Variants in DNAJC3 observed in about 807,000 individuals in gnomAD.
DNAJC3 encodes DnaJ heat shock protein family (Hsp40) member C3, also known as dnaJ homolog subfamily C member 3.
DNAJC3 carries 38 observed loss-of-function variants against 68.6 expected under a neutral mutation model. The ratio of observed to expected loss-of-function variants is 0.55; its 90% CI spans 0.43 to 0.73. The LOEUF (loss-of-function observed/expected upper bound fraction) is 0.73, where lower values mean the gene tolerates loss of function less well. Among genes scored for constraint, DNAJC3 ranks in the 30% least tolerant of loss-of-function variants. The pLI is 0.00. For synonymous variants in DNAJC3, 203 were observed against 204.0 expected (o/e 1.00, Z 0.04); for missense variants, 526 against 591.9 (o/e 0.89, Z 1.16).
chr13:95,791,263 T>C lies in DNAJC3; in HGVS notation c.*233T>C. Reference sequence around the variant, plus strand: ...TCTGACAGAGCAGCCTGCATCTGCTTTATGCTGTCTGGAGGGAAGTGGTCT... The same window carrying C: ...TCTGACAGAGCAGCCTGCATCTGCTCTATGCTGTCTGGAGGGAAGTGGTCT... On this transcript the variant is annotated 3_prime_UTR_variant, in exon 12 of 12. Transcript: ENST00000602402. 1.9e-6 allele frequency: 1 copy of C among 528,622 alleles called. No homozygotes were observed. The highest frequency in any genetic ancestry group is 3.6e-5 in the East Asian group (1 of 27,592). The allele number at this position is 528,622 out of a possible 1,614,324, so 32.7% of individuals were successfully genotyped here.
In DNAJC3 at chr13:95,689,612, C is replaced by A. The variant is rs186644264; in HGVS notation, c.82+12275C>A. Among the ~76,000 whole-genome samples, 537 of 150,502 alleles carry A rather than the reference C, an allele frequency of 3.6e-3. 3 individuals are homozygous for A. The highest frequency in any genetic ancestry group is 0.012 in the African/African-American group (511 of 41,058). ...ACAATCTCATTTAGTTCATTCTGATCTTTTTATTTCTTTTCTCCCAGCTAG... is the reference window on the plus strand; with the variant it reads ...ACAATCTCATTTAGTTCATTCTGATATTTTTATTTCTTTTCTCCCAGCTAG... On this transcript the variant is annotated intron_variant, in intron 1 of 11. Transcript: ENST00000602402.
At position 95,725,160 on chromosome 13, in the gene DNAJC3, T is replaced by G. The variant is rs765892662; in HGVS notation, c.319-18T>G. ...ATCTATAATATTCAAGATAATCCTC[T>G]GCCCCCTTTTTTTCTAGGCAAGATT... On this transcript the variant is annotated intron_variant, in intron 3 of 11. Coordinates refer to ENST00000602402, the MANE Select transcript of DNAJC3 (RefSeq NM_006260.5). 6.5e-7 allele frequency: 1 copy of G among 1,538,856 alleles called. No homozygotes were observed. Among genetic ancestry groups the G allele is most frequent in the South Asian group, 1.3e-5 (1 of 78,314 alleles).
intron 2 of DNAJC3, among the ~76,000 whole-genome samples, chr13:95,718,744 A>G (rs1487234460): frequency 2.0e-5 from 3 of 152,174 alleles, no homozygotes; most frequent in Non-Finnish European, 2.9e-5. Flanking sequence ...TTGTCATTTG[A>G]TTCTCAGTGG....
At chr13:95,764,681 T>TATATATAC (rs1882930555) in intron 9 of DNAJC3, among the ~76,000 whole-genome samples, 1 of 110,044 alleles carries the variant, frequency 9.1e-6, no homozygotes, top group Non-Finnish European at 1.7e-5. Context: ...TATATATATA[T>TATATATAC]ATACACACAC....
Position 95,755,637 on chromosome 13 carries a change from G to A in DNAJC3, c.394-2007G>A, listed in dbSNP as rs561217865. Among the ~76,000 whole-genome samples, 20 of 151,162 alleles carry A rather than the reference G, an allele frequency of 1.3e-4. 1 individual carries two copies. In the South Asian group the frequency reaches 4.2e-3, roughly 32 times the overall value. ...CCGGGCATGGTGGCGGATGCCTGTA[G>A]TCCCAGCTACTCAGGAGGCTGAGGC... On this transcript the variant is annotated intron_variant, in intron 4 of 11. Transcript: ENST00000602402.
At chr13:95,688,582 C>G (rs981598977) in intron 1 of DNAJC3, among the ~76,000 whole-genome samples, 1 of 150,542 alleles carries the variant, frequency 6.6e-6, no homozygotes, top group African/African-American at 2.4e-5. Context: ...GTGGCTCTAT[C>G]TCGGCTCACT....
rs1473560274 is a variant in DNAJC3 at position 95,794,226 on chromosome 13, G to A, written c.*3196G>A. The A allele has an allele frequency of 6.6e-6, 1 of 152,164 alleles. No individual in the cohort carries two copies. Among genetic ancestry groups the A allele is most frequent in the Non-Finnish European group, 1.5e-5 (1 of 68,032 alleles). The allele number at this position is 152,164 out of a possible 1,614,324, so 9.4% of individuals were successfully genotyped here. A position where few individuals can be genotyped will look rare whatever the true frequency, so the allele number is the denominator to read the frequency against. On this transcript the variant is annotated 3_prime_UTR_variant, in exon 12 of 12. Coordinates refer to ENST00000602402, the MANE Select transcript of DNAJC3 (RefSeq NM_006260.5). ...AAAACATAACTTGGTAAAAAAGGTA[G>A]CCAATAAAACCACAATTTGAAATTG...
chr13:95,754,949 G>A (rs1039558674), intron 4 of DNAJC3, among the ~76,000 whole-genome samples: 2 of 152,070 alleles, frequency 1.3e-5, no homozygotes, highest in African/African-American at 4.8e-5. Flanking sequence ...ATAGTGAGAA[G>A]TAAAAAATAT....
chr13:95,779,347 A>C (rs772150082), intron 9 of DNAJC3, among the ~76,000 whole-genome samples: 1 of 151,928 alleles, frequency 6.6e-6, no homozygotes, highest in Non-Finnish European at 1.5e-5. Flanking sequence ...GATGGTCTCG[A>C]TCTCCTGACC....
At chr13:95,784,458 C>T (rs1216128250) in intron 9 of DNAJC3, among the ~76,000 whole-genome samples, 1 of 152,114 alleles carries the variant, frequency 6.6e-6, no homozygotes, top group Non-Finnish European at 1.5e-5. Context: ...TTAATTTTTC[C>T]AGTAATGAGA....
At chr13:95,760,925 C>A in intron 7 of DNAJC3, 127 bp downstream of exon 7, 2 of 1,324,014 alleles carry the variant, frequency 1.5e-6, no homozygotes, top group Non-Finnish European at 2.0e-6. Flanking sequence ...TAGCCCTGGG[C>A]CTTAGCAAAA....
intron 4 of DNAJC3, among the ~76,000 whole-genome samples, chr13:95,753,995 A>G (rs1045894536): frequency 2.0e-5 from 3 of 152,218 alleles, no homozygotes; most frequent in African/African-American, 7.2e-5. Context: ...TAAAACTTCC[A>G]CACTGTGTTA....
intron 4 of DNAJC3, among the ~76,000 whole-genome samples, chr13:95,752,226 G>C (rs1882501767): frequency 6.6e-6 from 1 of 151,998 alleles, no homozygotes; most frequent in Admixed American, 6.6e-5. Context: ...TAATTACTGA[G>C]GTCACCAAAG....
intron 1 of DNAJC3, among the ~76,000 whole-genome samples, chr13:95,688,659 T>G (rs777166099): frequency 6.6e-6 from 1 of 152,026 alleles, no homozygotes; most frequent in Non-Finnish European, 1.5e-5. Flanking sequence ...GTTACAGGCA[T>G]GCATCACCAT....
intron 2 of DNAJC3, among the ~76,000 whole-genome samples, chr13:95,717,329 A>T (rs974565040): frequency 8.5e-5 from 13 of 152,188 alleles, no homozygotes; most frequent in African/African-American, 3.1e-4. Flanking sequence ...CTTTCTCATC[A>T]CATTTCAACC....
chr13:95,688,959 T>C (rs763104504), intron 1 of DNAJC3, among the ~76,000 whole-genome samples: 13 of 150,574 alleles, frequency 8.6e-5, no homozygotes, highest in Non-Finnish European at 1.2e-4. Context: ...TGTGTGTGTG[T>C]GTGTGTGCGC....
chr13:95,701,402 A>T (rs1036721199), intron 1 of DNAJC3, among the ~76,000 whole-genome samples: 3 of 152,244 alleles, frequency 2.0e-5, no homozygotes, highest in Non-Finnish European at 4.4e-5. Flanking sequence ...CCTGCTCTGC[A>T]GTAGGAGGAG....
intron 1 of DNAJC3, among the ~76,000 whole-genome samples, chr13:95,701,225 C>T (rs1307498891): frequency 6.6e-6 from 1 of 152,194 alleles, no homozygotes; most frequent in African/African-American, 2.4e-5. Flanking sequence ...GGTCACGCTA[C>T]CCCAAAATAT....
chr13:95,774,362 A>G (rs560404069), intron 9 of DNAJC3, among the ~76,000 whole-genome samples: 9 of 152,106 alleles, frequency 5.9e-5, no homozygotes, highest in Non-Finnish European at 1.2e-4. Flanking sequence ...TTTATTATTT[A>G]TTTTGAATTT....
Sources: allele counts gnomAD v4.1 joint callset (sites outside exome capture counted in the v4.1 genomes callset), GRCh38; gene constraint gnomAD v4.1.1; transcripts MANE v1.5; gene names NCBI Gene and HGNC (gene_info 2026-07-23, HGNC 2026-07-21).